Variants in EML6 observed in about 807,000 individuals in gnomAD.
EML6 encodes the protein echinoderm microtubule-associated protein-like 6.
In EML6, 154 loss-of-function variants were observed where a neutral mutation model predicts 240.1. The ratio of observed to expected loss-of-function variants is 0.64; its 90% CI spans 0.56 to 0.73. The LOEUF is 0.73. Ranked by LOEUF, EML6 falls within the 30% of genes least tolerant of loss-of-function variation. The pLI, the probability that EML6 is intolerant of heterozygous loss-of-function variation, is 0.00. For missense variants in EML6, 2,964 were observed against 2,474.6 expected, an observed-to-expected ratio of 1.20 and a Z score of -4.20; for synonymous variants, 1,148 against 899.0, an observed-to-expected ratio of 1.28 and a Z score of -4.95.
chr2:54,804,205 CTAAAG>C (rs1188325694), intron 2 of EML6, among the ~76,000 whole-genome samples: 1 of 152,198 alleles, frequency 6.6e-6, no homozygotes, highest in African/African-American at 2.4e-5. Flanking sequence ...AATGACTTCT[CTAAAG>C]TATTTAATCA....
At position 54,797,172 on chromosome 2, in the gene EML6, A is replaced by AAAAACAAC. The variant is rs1363738198; in HGVS notation, c.198-16056_198-16055insCAACAAAA. Among the ~76,000 whole-genome samples, 491 of 141,024 alleles carry AAAAACAAC rather than the reference A, an allele frequency of 3.5e-3. 14 individuals carry two copies. The highest frequency in any genetic ancestry group is 0.012 in the African/African-American group (477 of 39,528). 92.5% of individuals were successfully genotyped at this position (141,024 alleles called of 152,430 possible). A position where few individuals can be genotyped will look rare whatever the true frequency, so the allele number is the denominator to read the frequency against. ...AGAGCAAGACTCCATCTCAAAAAAA[A>AAAAACAAC]AAAAAAAAAAAAAAAAACTGTGATC... On this transcript the variant is annotated intron_variant, in intron 2 of 41. Transcript: ENST00000356458.
In EML6 at chr2:54,724,247, A is replaced by G. The variant is rs1213157999; in HGVS notation, c.-513-302A>G. ...GGTGAAGAGAAGGTTCACGGAGGAT[A>G]TGATTATTAAACACACACATGAAAA... On this transcript the variant is annotated intron_variant, in intron 1 of 41. Transcript: ENST00000356458. This position sits in a 1 kb window ranked among gnomAD's most constrained non-coding sequence, Gnocchi z 5.2. 2.6e-5 allele frequency among the ~76,000 whole-genome samples: 4 copies of G among 152,078 alleles called. No individual in the cohort carries two copies. Among genetic ancestry groups the G allele is most frequent in the Non-Finnish European group, 4.4e-5 (3 of 68,014 alleles).
chr2:54,766,619 T>C (rs1284275565), intron 2 of EML6, among the ~76,000 whole-genome samples: 1 of 143,704 alleles, frequency 7.0e-6, no homozygotes, highest in African/African-American at 2.5e-5. Context: ...GCAAAGTTAC[T>C]ATTTTTTTTT....
At position 54,863,783 on chromosome 2, in the gene EML6, A is replaced by C. The variant is rs1027011134; in HGVS notation, c.1826A>C (p.Glu609Ala). ...TTTCTTGTGGGTTGTATCTCTGCAG[A>C]AGGTGGAGCTGATTCCTACAGTGAA... ...SNGMLETAPQ[E>A]GGADSYSEES... The change falls in exon 13 of 42, where the codon GAA becomes GCA. Residue 609 changes from glutamate (E) to alanine (A), a missense_variant and splice_region_variant. Glu to Ala is a moderately radical substitution (Grantham distance 107, BLOSUM62 -1). Transcript: ENST00000356458. 1 of 1,522,674 alleles carries C rather than the reference A, an allele frequency of 6.6e-7. No individual in the cohort carries two copies. The allele number at this position is 1,522,674 out of a possible 1,614,324, so 94.3% of individuals were successfully genotyped here. A position where few individuals can be genotyped will look rare whatever the true frequency, so the allele number is the denominator to read the frequency against.
chr2:54,949,725 C>CA (rs1675876785), intron 29 of EML6, among the ~76,000 whole-genome samples: 1 of 152,180 alleles, frequency 6.6e-6, no homozygotes, highest in Non-Finnish European at 1.5e-5. Context: ...TTCATGGTTT[C>CA]AAAACCTTAC....
chr2:54,948,066 A>G (rs1410879220), intron 28 of EML6, among the ~76,000 whole-genome samples: 1 of 152,200 alleles, frequency 6.6e-6, no homozygotes, highest in African/African-American at 2.4e-5. Flanking sequence ...ACTTTGGAAC[A>G]TGCGGTGGGA....
chr2:54,971,485 T>G lies in EML6; in HGVS notation c.*1390T>G, dbSNP rs913416230. 6.6e-6 allele frequency: 1 copy of G among 152,212 alleles called. No homozygotes were observed. The highest frequency in any genetic ancestry group is 2.4e-5 in the African/African-American group (1 of 41,454). The allele number at this position is 152,212 out of a possible 1,614,324, so 9.4% of individuals were successfully genotyped here. ...TACTGGCTACTTGCATTTGTCAGTTTAGAGAAAAGGTAAAATGAGGCATTT... is the reference window on the plus strand; with the variant it reads ...TACTGGCTACTTGCATTTGTCAGTTGAGAGAAAAGGTAAAATGAGGCATTT... On this transcript the variant is annotated 3_prime_UTR_variant, in exon 42 of 42. Transcript: ENST00000356458.
rs1285974441 is a variant in EML6, at chr2:54,962,660, C to T, written c.5106C>T (p.Phe1702=). The change falls in exon 36 of 42, where the codon TTC becomes TTT. Residue 1702 remains phenylalanine, a synonymous_variant. Coordinates refer to ENST00000356458, the MANE Select transcript of EML6 (RefSeq NM_001039753.4). ...CCACTCACCCTTCCAAGGACCTCTT[C>T]ATCTCTGCCAGCAACGATGGCACAG... ...GLATHPSKDL[F]ISASNDGTAR... The T allele has an allele frequency of 6.5e-6, 10 of 1,532,890 alleles. No individual in the cohort carries two copies. In the African/African-American group the frequency reaches 1.2e-4, roughly 19 times the overall value. The allele number at this position is 1,532,890 out of a possible 1,614,324, so 95.0% of individuals were successfully genotyped here.
intron 2 of EML6, among the ~76,000 whole-genome samples, chr2:54,808,926 A>G (rs1034100299): frequency 3.3e-5 from 5 of 152,212 alleles, no homozygotes; most frequent in African/African-American, 9.6e-5. Context: ...TTCTATTGCT[A>G]TGGTAACAGA....
intron 16 of EML6, among the ~76,000 whole-genome samples, 196 bp from the exon 17 acceptor site, chr2:54,879,351 T>C (rs534399379): frequency 6.6e-6 from 1 of 152,338 alleles, no homozygotes; most frequent in South Asian, 2.1e-4. Context: ...TAAAATATAA[T>C]TGTACATGTT....
Position 54,818,859 on chromosome 2 carries a change from T to A in EML6, c.457-1535T>A, listed in dbSNP as rs74838072. Among the ~76,000 whole-genome samples the A allele has an allele frequency of 2.6e-5, 4 of 152,200 alleles. No individual in the cohort carries two copies. The East Asian group carries it at 5.8e-4, about 22-fold the overall frequency. On this transcript the variant is annotated intron_variant, in intron 4 of 41. Coordinates refer to ENST00000356458, the MANE Select transcript of EML6 (RefSeq NM_001039753.4). ...ACATAATTTTGCTCTTTATTACTGA[T>A]ACCAGTATGAATTATTGACTGCTTA...
chr2:54,890,963 G>A, intron 17 of EML6, 91 bp from the exon 18 acceptor site: 1 of 571,218 alleles, frequency 1.8e-6, no homozygotes. Flanking sequence ...CCTGTTAGAT[G>A]TGCTTAAAAT....
chr2:54,899,854 G>C (rs75292380), intron 22 of EML6, 72 bp downstream of exon 22: 1 of 1,428,316 alleles, frequency 7.0e-7, no homozygotes, highest in Non-Finnish European at 9.4e-7. Flanking sequence ...TATTCACTCA[G>C]TTAATATTTA....
chr2:54,958,061 T>C (rs1676316932), intron 33 of EML6, 63 bp downstream of exon 33: 2 of 1,418,918 alleles, frequency 1.4e-6, no homozygotes, highest in African/African-American at 1.4e-5. Flanking sequence ...GGCATGGGCA[T>C]GGGCAGGAGG....
At chr2:54,906,269 AGTTT>A (rs1302672185) in intron 24 of EML6, among the ~76,000 whole-genome samples, 4 of 151,990 alleles carry the variant, frequency 2.6e-5, no homozygotes, top group Admixed American at 6.6e-5. Flanking sequence ...GCGTTTAGGG[AGTTT>A]GTTTGTTCTT....
rs569312597 is a variant in EML6, at chr2:54,956,124, C to A, written c.4487-1666C>A. ...AGGTATATGTGTAATTTGCTCTGAG[C>A]AGACTAGAAGCCAATGCAGAGAGGG... is the stretch of plus-strand genomic sequence containing the variant. On this transcript the variant is annotated intron_variant, in intron 32 of 41. Transcript: ENST00000356458. Among the ~76,000 whole-genome samples the A allele has an allele frequency of 2.0e-5, 3 of 152,246 alleles. No individual in the cohort carries two copies. The East Asian group carries it at 5.8e-4, about 29-fold the overall frequency.
intron 7 of EML6, among the ~76,000 whole-genome samples, chr2:54,830,539 T>A (rs907594805): frequency 3.3e-5 from 5 of 152,184 alleles, no homozygotes; most frequent in African/African-American, 1.2e-4. Context: ...CTGTTCCTCA[T>A]GAAGCCCCCG....
At position 54,910,995 on chromosome 2, in the gene EML6, T is replaced by C; in HGVS notation, c.3451T>C (p.Phe1151Leu). The stretch of plus-strand genomic sequence containing the variant: ...GAATTCAGGTGCCAGAGAACAACTT[T>C]TTTTTGAAGCTCCAAGAGGCAAACG... ...QVNSGAREQL[F>L]FEAPRGKRHI... The change falls in exon 25 of 42, where the codon TTT becomes CTT. Residue 1151 changes from phenylalanine (F) to leucine (L), a missense_variant. Transcript: ENST00000356458. 1 of 1,541,344 alleles carries C rather than the reference T, an allele frequency of 6.5e-7. No individual in the cohort carries two copies.
At chr2:54,915,371 A>T (rs1673857337) in intron 25 of EML6, among the ~76,000 whole-genome samples, 1 of 152,126 alleles carries the variant, frequency 6.6e-6, no homozygotes, top group South Asian at 2.1e-4. Context: ...GGAATCTAGA[A>T]TTTGGAAGGG....
Sources: allele counts gnomAD v4.1 joint callset (sites outside exome capture counted in the v4.1 genomes callset), GRCh38; gene constraint gnomAD v4.1.1; non-coding constraint Gnocchi (gnomAD v3.1); transcripts MANE v1.5; gene names NCBI Gene and HGNC (gene_info 2026-07-23, HGNC 2026-07-21).